GRM6: variants seen among roughly 807,000 people sequenced by gnomAD.
The protein encoded by GRM6 is glutamate metabotropic receptor 6.
GRM6 carries 73 observed loss-of-function variants against 78.4 expected under a neutral mutation model. The ratio of observed to expected loss-of-function variants is 0.93; its 90% CI spans 0.77 to 1.13. The LOEUF (loss-of-function observed/expected upper bound fraction) is 1.13. GRM6 is among the 50% of genes most tolerant of loss of function. The pLI, the probability that GRM6 is intolerant of heterozygous loss-of-function variation, is 0.00. For missense variants in GRM6, 1,251 were observed against 1,256.4 expected (o/e 1.00, Z 0.07); for synonymous variants, 580 against 555.0 (o/e 1.05, Z -0.63).
rs1760327105 is a variant in GRM6 at position 178,978,330 on chromosome 5, T to C, written c.*3327A>G. ...CAACCGAAGACCTAAGTCAAACTTT[T>C]GGGAAAAGTTAAATTTATTGAACAG... On this transcript the variant is annotated 3_prime_UTR_variant, in exon 11 of 11. Coordinates refer to ENST00000517717, the MANE Select transcript of GRM6 (RefSeq NM_000843.4). 6.6e-6 allele frequency: 1 copy of C among 152,218 alleles called. No individual in the cohort carries two copies. The highest frequency in any genetic ancestry group is 2.4e-5 in the African/African-American group (1 of 41,454). 9.4% of individuals were successfully genotyped at this position (152,218 alleles called of 1,614,324 possible).
At position 178,986,730 on chromosome 5, in the gene GRM6, G is replaced by T. The variant is rs150342590; in HGVS notation, c.1524C>A (p.Gly508=). 6.2e-7 allele frequency: 1 copy of T among 1,605,474 alleles called. No homozygotes were observed. The highest frequency in any genetic ancestry group is 1.1e-5 in the South Asian group (1 of 91,044). ...GAGACGAGGGCACCTCGTGGGGGTC[G>T]CCAGACCACTGCAGGGCCTCCACCT... The part of the protein sequence containing the change: ...RLDVEALQWS[G]DPHEVPSSLC... The change falls in exon 9 of 11, where the codon GGC becomes GGA. Residue 508 remains glycine, a synonymous_variant. Coordinates refer to ENST00000517717, the MANE Select transcript of GRM6 (RefSeq NM_000843.4).
chr5:178,991,666 GAAGT>G lies in GRM6; in HGVS notation c.722-111_722-108del. On this transcript the variant is annotated intron_variant, in intron 3 of 10. Coordinates refer to ENST00000517717, the MANE Select transcript of GRM6 (RefSeq NM_000843.4). The surrounding 1 kb of genome is among the most constrained non-coding windows in gnomAD (Gnocchi z 5.0). The stretch of plus-strand genomic sequence containing the variant: ...GGCTGGCTGAAGGGTCTGCAGGGGT[GAAGT>G]CTGGCCTGCACCCTCCGCCAAGCCT... 1 of 1,391,758 alleles carries G rather than the reference GAAGT, an allele frequency of 7.2e-7. No homozygotes were observed. Among genetic ancestry groups the G allele is most frequent in the Non-Finnish European group, 1.0e-6 (1 of 982,412 alleles). The allele number at this position is 1,391,758 out of a possible 1,614,324, so 86.2% of individuals were successfully genotyped here.
chr5:178,987,506 T>C lies in GRM6; in HGVS notation c.1355-523A>G, dbSNP rs754366034. 7.9e-5 allele frequency: 36 copies of C among 453,584 alleles called. 2 individuals carry two copies. Among genetic ancestry groups the C allele is most frequent in the South Asian group, 5.4e-4 (35 of 64,424 alleles). 28.1% of individuals were successfully genotyped at this position (453,584 alleles called of 1,614,324 possible). A position where few individuals can be genotyped will look rare whatever the true frequency, so the allele number is the denominator to read the frequency against. Reference sequence around the variant, plus strand: ...AAAGGAAGGCAGTTCTGACCCATGCTATAAAATGGATGGACCTGGAGGACA... The same window carrying C: ...AAAGGAAGGCAGTTCTGACCCATGCCATAAAATGGATGGACCTGGAGGACA... On this transcript the variant is annotated intron_variant, in intron 7 of 10. Coordinates refer to ENST00000517717, the MANE Select transcript of GRM6 (RefSeq NM_000843.4).
chr5:178,983,333 G>C (rs752578198), intron 9 of GRM6, 112 bp from the exon 10 acceptor site: 1 of 918,788 alleles, frequency 1.1e-6, no homozygotes, highest in South Asian at 1.4e-5. Context: ...GCCTATGGAG[G>C]GGATGCTCCA....
intron 10 of GRM6, among the ~76,000 whole-genome samples, chr5:178,982,529 A>G (rs866966189): frequency 7.5e-5 from 11 of 145,974 alleles, no homozygotes; most frequent in African/African-American, 2.5e-4. Flanking sequence ...GTGAGCCAAG[A>G]TCACGCCACT....
At chr5:178,989,201 CCCCCTCCCCA>C in intron 6 of GRM6, 54 bp downstream of exon 6, 1 of 1,051,514 alleles carries the variant, frequency 9.5e-7, no homozygotes, top group Non-Finnish European at 1.4e-6. Flanking sequence ...CTCCCGCCTT[CCCCCTCCCCA>C]CCCTCACCAC....
Position 178,991,780 on chromosome 5 carries a change from G to C in GRM6, c.721+87C>G. ...CAACCTCGGCCCAGCATGGACCTGG[G>C]CCCCCCATCTTTCTGCTTCTGCCCC... On this transcript the variant is annotated intron_variant, in intron 3 of 10. Coordinates refer to ENST00000517717, the MANE Select transcript of GRM6 (RefSeq NM_000843.4). The surrounding 1 kb of genome is among the most constrained non-coding windows in gnomAD (Gnocchi z 5.0). 4 of 1,251,606 alleles carry C rather than the reference G, an allele frequency of 3.2e-6. No individual in the cohort carries two copies. The Middle Eastern group carries it at 5.5e-4, about 173-fold the overall frequency. The allele number at this position is 1,251,606 out of a possible 1,614,324, so 77.5% of individuals were successfully genotyped here. A position where few individuals can be genotyped will look rare whatever the true frequency, so the allele number is the denominator to read the frequency against.
Position 178,994,634 on chromosome 5 carries a change from T to TAGGTGTCCCGCGAGC in GRM6, c.296_310dup (p.Cys99_Thr103dup). 1 of 1,457,540 alleles carries TAGGTGTCCCGCGAGC rather than the reference T, an allele frequency of 6.9e-7. No individual in the cohort carries two copies. The highest frequency in any genetic ancestry group is 2.3e-5 in the Admixed American group (1 of 42,744). The allele number at this position is 1,457,540 out of a possible 1,614,324, so 90.3% of individuals were successfully genotyped here. On this transcript the variant is annotated inframe_insertion, in exon 2 of 11. Coordinates refer to ENST00000517717, the MANE Select transcript of GRM6 (RefSeq NM_000843.4). The stretch of plus-strand genomic sequence containing the variant: ...GAAGCTCAGCGCCTGCTCCAGCGCG[T>TAGGTGTCCCGCGAGC]AGGTGTCCCGCGAGCAGGTGTCCAG...
chr5:178,992,978 C>T lies in GRM6; in HGVS notation c.505-895G>A, dbSNP rs1475526597. Among the ~76,000 whole-genome samples the T allele has an allele frequency of 6.6e-6, 1 of 152,050 alleles. No individual in the cohort carries two copies. The highest frequency in any genetic ancestry group is 1.5e-5 in the Non-Finnish European group (1 of 67,998). ...CGAGAAAGGCCCAGTGGCCACAGCT[C>T]AGTGAATAATGCTGTGGTCCTCCCA... On this transcript the variant is annotated intron_variant, in intron 2 of 10. Transcript: ENST00000517717. The surrounding 1 kb of genome is among the most constrained non-coding windows in gnomAD (Gnocchi z 4.9).
rs748792499 is a variant in GRM6 at position 178,985,614 on chromosome 5, A to C, written c.2124+516T>G. 290 of 357,448 alleles carry C rather than the reference A, an allele frequency of 8.1e-4. 1 individual carries two copies. The highest frequency in any genetic ancestry group is 5.3e-4 in the Non-Finnish European group (97 of 182,724). The allele number at this position is 357,448 out of a possible 1,614,324, so 22.1% of individuals were successfully genotyped here. ...GCTACTCGGGAGGCTGAGGCAGGAG[A>C]ATGGCGTGAACCCGGAAGGCAGAGC... On this transcript the variant is annotated intron_variant, in intron 9 of 10. Transcript: ENST00000517717.
intron 2 of GRM6, 50 bp downstream of exon 2, chr5:178,994,391 G>T: frequency 6.9e-7 from 1 of 1,447,352 alleles, no homozygotes; most frequent in South Asian, 1.3e-5. Context: ...ACCCCAGGGC[G>T]AGGACGGGAG....
intron 1 of GRM6, 133 bp from the exon 2 acceptor site, chr5:178,995,093 A>G (rs1760749917): frequency 3.3e-5 from 12 of 366,774 alleles, no homozygotes; most frequent in Non-Finnish European, 4.9e-5. Flanking sequence ...GGCTCTGGGG[A>G]GTTAGCTCAG....
Position 178,986,441 on chromosome 5 carries a change from C to T in GRM6, c.1813G>A (p.Ala605Thr), listed in dbSNP as rs780075399. The change falls in exon 9 of 11, where the codon GCC (alanine) becomes ACC (threonine). Residue 605 changes from alanine (A) to threonine (T), a missense_variant. By Grantham distance (58) the Ala-to-Thr change is moderately conservative (BLOSUM62 0). Transcript: ENST00000517717. Reference protein sequence around the residue: ...LGIVATTTVVATFVRYNNTPI... With the variant: ...LGIVATTTVVTTFVRYNNTPI... ...GTGTTGTTGTACCGCACGAAGGTGG[C>T]CACCACCGTGGTAGTGGCCACGATG... 115 of 1,613,112 alleles carry T rather than the reference C, an allele frequency of 7.1e-5. No homozygotes were observed. Among genetic ancestry groups the T allele is most frequent in the Non-Finnish European group, 8.5e-5 (100 of 1,179,890 alleles).
Position 178,981,185 on chromosome 5 carries a change from A to T in GRM6, c.*472T>A. On this transcript the variant is annotated 3_prime_UTR_variant, in exon 11 of 11. Transcript: ENST00000517717. The surrounding 1 kb of genome is among the most constrained non-coding windows in gnomAD (Gnocchi z 5.1). ...GGCCTGAGTGCCTCCATCCAGATGCACAGCCCCAGGTCTCCTCTTGCTGAG... is the reference window on the plus strand; with the variant it reads ...GGCCTGAGTGCCTCCATCCAGATGCTCAGCCCCAGGTCTCCTCTTGCTGAG... 1 of 179,818 alleles carries T rather than the reference A, an allele frequency of 5.6e-6. No individual in the cohort carries two copies. Among genetic ancestry groups the T allele is most frequent in the Admixed American group, 5.5e-5 (1 of 18,332 alleles). 11.1% of individuals were successfully genotyped at this position (179,818 alleles called of 1,614,324 possible).
At position 178,990,713 on chromosome 5, in the gene GRM6, C is replaced by A; in HGVS notation, c.891G>T (p.Leu297=). 1.3e-6 allele frequency: 2 copies of A among 1,586,646 alleles called. No homozygotes were observed. Among genetic ancestry groups the A allele is most frequent in the South Asian group, 1.1e-5 (1 of 87,042 alleles). Reference sequence around the variant, plus strand: ...AGCCGACCCACAGGAAGTGGCCGGTCAGGTTGGCCTGGCGAGCTGCCTCCA... The same window carrying A: ...AGCCGACCCACAGGAAGTGGCCGGTAAGGTTGGCCTGGCGAGCTGCCTCCA... ...RVLEAARQAN[L]TGHFLWVGSD... is the part of the protein sequence containing the mutation. Residue 297 remains leucine, a synonymous_variant, in exon 5 of 11, where the codon CTG becomes CTT. Coordinates refer to ENST00000517717, the MANE Select transcript of GRM6 (RefSeq NM_000843.4).
At chr5:178,985,293 C>A (rs757164562) in intron 9 of GRM6, 1 of 456,012 alleles carries the variant, frequency 2.2e-6, no homozygotes, top group African/African-American at 2.0e-5. Context: ...CTCTGGAGGC[C>A]CACACTCCCC....
At chr5:178,982,532 A>C (rs1267366586) in intron 10 of GRM6, among the ~76,000 whole-genome samples, 2 of 138,464 alleles carry the variant, frequency 1.4e-5, no homozygotes, top group African/African-American at 5.4e-5. Context: ...AGCCAAGATC[A>C]CGCCACTGCA....
At chr5:178,985,622 G>T (rs958617595) in intron 9 of GRM6, 14 of 362,488 alleles carry the variant, frequency 3.9e-5, no homozygotes, top group East Asian at 2.4e-4. Context: ...AGAATGGCGT[G>T]AACCCGGAAG....
chr5:178,984,049 T>C (rs2113318166), intron 9 of GRM6, among the ~76,000 whole-genome samples: 1 of 152,300 alleles, frequency 6.6e-6, no homozygotes. Flanking sequence ...CAGCAGCTTT[T>C]TGTGCTTCTC....
Sources: allele counts gnomAD v4.1 joint callset (sites outside exome capture counted in the v4.1 genomes callset), GRCh38; gene constraint gnomAD v4.1.1; non-coding constraint Gnocchi (gnomAD v3.1); transcripts MANE v1.5; gene names NCBI Gene and HGNC (gene_info 2026-07-23, HGNC 2026-07-21).